CASD1: variants seen among roughly 807,000 people sequenced by gnomAD.
The protein encoded by CASD1 is N-acetylneuraminate (7)9-O-acetyltransferase.
Under a neutral mutation model 100.0 loss-of-function variants are expected in CASD1, and 41 were observed. That is an observed-to-expected ratio of 0.41 (90% CI 0.32 to 0.53). The LOEUF (loss-of-function observed/expected upper bound fraction) is 0.53. Ranked by LOEUF, CASD1 falls within the 20% of genes least tolerant of loss-of-function variation. CASD1 has a pLI of 0.25. For missense variants in CASD1, 774 were observed against 948.7 expected (o/e 0.82, Z 2.42); for synonymous variants, 321 against 315.6 (o/e 1.02, Z -0.18).
At chr7:94,588,087 A>G in the CASD1 span, 1 of 1,230,316 alleles carries the variant, frequency 8.1e-7, no homozygotes, top group Non-Finnish European at 1.0e-6. Flanking sequence ...TCTACTCAGT[A>G]TAGAGATGAA....
chr7:94,548,546 A>G (rs1182543142), intron 13 of CASD1, among the ~76,000 whole-genome samples: 2 of 151,850 alleles, frequency 1.3e-5, no homozygotes, highest in African/African-American at 4.8e-5. Context: ...AGATTTTGAT[A>G]TAACCTATTT....
Position 94,533,975 on chromosome 7 carries a change from A to G in CASD1, c.628+173A>G, listed in dbSNP as rs1195802123. Among the ~76,000 whole-genome samples the G allele has an allele frequency of 4.6e-5, 7 of 152,272 alleles. No individual in the cohort carries two copies. The South Asian group carries it at 1.2e-3, about 27-fold the overall frequency. On this transcript the variant is annotated intron_variant, in intron 7 of 17. Coordinates refer to ENST00000297273, the MANE Select transcript of CASD1 (RefSeq NM_022900.5). The stretch of plus-strand genomic sequence containing the variant: ...TTGCTCTCCTTTTTCAAATGTAAGG[A>G]ACAAATTAATAAATATAGGTGAAAA...
chr7:94,632,656 T>C, the CASD1 span, among the ~76,000 whole-genome samples: 2 of 152,150 alleles, frequency 1.3e-5, no homozygotes, highest in Admixed American at 1.3e-4. Flanking sequence ...ACTTCCTTTC[T>C]GTAGCATCAG....
chr7:94,604,122 A>T, the CASD1 span, among the ~76,000 whole-genome samples: 1 of 152,116 alleles, frequency 6.6e-6, no homozygotes, highest in East Asian at 1.9e-4. Context: ...ATGGGGAAAG[A>T]TCTCTACTTA....
chr7:94,577,978 G>A, the CASD1 span, among the ~76,000 whole-genome samples: 1 of 152,120 alleles, frequency 6.6e-6, no homozygotes, highest in Non-Finnish European at 1.5e-5. Context: ...ATTGCAGAAT[G>A]TTTTCAAAGC....
At chr7:94,610,174 A>G in the CASD1 span, among the ~76,000 whole-genome samples, 1 of 152,238 alleles carries the variant, frequency 6.6e-6, no homozygotes, top group Non-Finnish European at 1.5e-5. Flanking sequence ...GGAGACAGTA[A>G]AAACATCAAT....
chr7:94,566,196 T>G, the CASD1 span, among the ~76,000 whole-genome samples: 1 of 152,162 alleles, frequency 6.6e-6, no homozygotes, highest in African/African-American at 2.4e-5. Context: ...AATTTACAAT[T>G]AAATTCATGG....
the CASD1 span, chr7:94,587,900 G>A: frequency 1.3e-5 from 19 of 1,488,810 alleles, no homozygotes; most frequent in East Asian, 4.8e-4. Context: ...GTTTTTAAGA[G>A]ACTTACTTAA....
the CASD1 span, among the ~76,000 whole-genome samples, chr7:94,610,112 C>T: frequency 2.6e-5 from 4 of 152,256 alleles, no homozygotes; most frequent in Non-Finnish European, 4.4e-5. Flanking sequence ...TATGGAAAGG[C>T]TACAGACTAC....
chr7:94,535,253 A>G, intron 7 of CASD1, 56 bp from the exon 8 acceptor site: 4 of 1,356,170 alleles, frequency 2.9e-6, no homozygotes, highest in Non-Finnish European at 4.2e-6. Context: ...CATGATCACA[A>G]TTTTTACCAA....
chr7:94,539,789 G>A (rs1010683638), intron 10 of CASD1, among the ~76,000 whole-genome samples: 1 of 151,976 alleles, frequency 6.6e-6, no homozygotes, highest in African/African-American at 2.4e-5. Context: ...TCTATCCTTT[G>A]CTGTCTTTTA....
intron 17 of CASD1, 45 bp from the exon 18 acceptor site, chr7:94,555,447 C>T: frequency 6.4e-7 from 1 of 1,562,112 alleles, no homozygotes; most frequent in Admixed American, 1.8e-5. Context: ...GTAATTTATT[C>T]ATGGACCCTC....
chr7:94,554,081 A>G (rs1796084617), intron 16 of CASD1: 1 of 154,754 alleles, frequency 6.5e-6, no homozygotes, highest in Non-Finnish European at 1.4e-5. Context: ...TTTTGAAGGG[A>G]GTCAAGAGAG....
the CASD1 span, chr7:94,585,243 T>A: frequency 6.9e-6 from 3 of 434,628 alleles, no homozygotes; most frequent in East Asian, 6.9e-5. Flanking sequence ...ATTAATAATA[T>A]TTATTTTAAA....
chr7:94,614,998 A>G, the CASD1 span, among the ~76,000 whole-genome samples: 289 of 152,318 alleles, frequency 1.9e-3, 2 homozygotes, highest in African/African-American at 6.7e-3. Flanking sequence ...AAATATTTCT[A>G]TATCACCACT....
At position 94,535,649 on chromosome 7, in the gene CASD1, G is replaced by T. The variant is rs534971107; in HGVS notation, c.843+126G>T. 9.3e-5 allele frequency: 63 copies of T among 676,618 alleles called. No individual in the cohort carries two copies. In the African/African-American group the frequency reaches 1.1e-3, roughly 12 times the overall value. 41.9% of individuals were successfully genotyped at this position (676,618 alleles called of 1,614,324 possible). A position where few individuals can be genotyped will look rare whatever the true frequency, so the allele number is the denominator to read the frequency against. ...AGTCTTAGTAACTTGTAGTTATTGT[G>T]TATAAAGATACATCTAGAAATTATT... is the stretch of plus-strand genomic sequence containing the variant. On this transcript the variant is annotated intron_variant, in intron 8 of 17. Transcript: ENST00000297273.
At chr7:94,559,413 G>A (rs112285122), downstream of CASD1, among the ~76,000 whole-genome samples, 293 of 151,864 alleles carry the variant, frequency 1.9e-3, 1 homozygote, top group African/African-American at 6.7e-3. Flanking sequence ...CAATTTGGGG[G>A]AAATATGAAA....
chr7:94,543,653 CA>C (rs35005944), intron 10 of CASD1, among the ~76,000 whole-genome samples: 75,854 of 139,356 alleles, frequency 0.54, 19,894 homozygotes, highest in South Asian at 0.73. Context: ...AGACTGTCTC[CA>C]AAAAAAAAAA....
At chr7:94,612,787 C>T in the CASD1 span, among the ~76,000 whole-genome samples, 1 of 152,166 alleles carries the variant, frequency 6.6e-6, no homozygotes, top group Non-Finnish European at 1.5e-5. Flanking sequence ...CCACCTCCAC[C>T]TGTTCCTCCT....
Sources: allele counts gnomAD v4.1 joint callset (sites outside exome capture counted in the v4.1 genomes callset), GRCh38; gene constraint gnomAD v4.1.1; transcripts MANE v1.5; gene names NCBI Gene and HGNC (gene_info 2026-07-23, HGNC 2026-07-21).